CPNE5: variants seen among roughly 807,000 people sequenced by gnomAD.
CPNE5 encodes copine 5.
In CPNE5, 42 loss-of-function variants were observed where a neutral mutation model predicts 81.1. That is an observed-to-expected ratio of 0.52 (90% CI 0.40 to 0.67). CPNE5 has a LOEUF of 0.67. Among genes scored for constraint, CPNE5 ranks in the 30% least tolerant of loss-of-function variants. The pLI, the probability that CPNE5 is intolerant of heterozygous loss-of-function variation, is 0.00. For synonymous variants in CPNE5, 313 were observed against 321.5 expected (o/e 0.97, Z 0.28); for missense variants, 612 against 815.5 (o/e 0.75, Z 3.04).
At chr6:36,819,535 C>T (rs1037434074) in intron 3 of CPNE5, among the ~76,000 whole-genome samples, 3 of 152,158 alleles carry the variant, frequency 2.0e-5, no homozygotes, top group Non-Finnish European at 2.9e-5. Context: ...GAGACAGTTC[C>T]GGCCAGTCCA....
At chr6:36,784,775 C>G (rs959148469) in intron 8 of CPNE5, among the ~76,000 whole-genome samples, 1 of 152,000 alleles carries the variant, frequency 6.6e-6, no homozygotes, top group African/African-American at 2.4e-5. Context: ...AACCCCATCT[C>G]TACTAAAAAT....
intron 2 of CPNE5, among the ~76,000 whole-genome samples, chr6:36,822,509 G>C (rs1772148748): frequency 6.6e-6 from 1 of 152,232 alleles, no homozygotes; most frequent in East Asian, 1.9e-4. Context: ...AGGGTCTGAA[G>C]TGTGAGGCAG....
chr6:36,824,776 T>C (rs1421743654), intron 1 of CPNE5, among the ~76,000 whole-genome samples: 1 of 152,056 alleles, frequency 6.6e-6, no homozygotes, highest in East Asian at 1.9e-4. Context: ...GTGAAACCCA[T>C]CTCTACTAAA....
chr6:36,778,725 C>T (rs930765234), intron 9 of CPNE5, 129 bp downstream of exon 9: 2 of 688,730 alleles, frequency 2.9e-6, no homozygotes, highest in African/African-American at 1.8e-5. Context: ...CACCCAGAGC[C>T]CTTGCCCTCT....
chr6:36,758,199 G>A (rs1765673735), intron 12 of CPNE5, among the ~76,000 whole-genome samples: 1 of 152,132 alleles, frequency 6.6e-6, no homozygotes, highest in Non-Finnish European at 1.5e-5. Context: ...CCTGCCTCCC[G>A]GAAAGGTATG....
At chr6:36,834,089 CA>C (rs965089075) in intron 1 of CPNE5, among the ~76,000 whole-genome samples, 1 of 148,138 alleles carries the variant, frequency 6.8e-6, no homozygotes, top group Admixed American at 6.7e-5. Flanking sequence ...AAAAAAAAAT[CA>C]AAAAAAATTT....
At chr6:36,831,449 G>T (rs1245573037) in intron 1 of CPNE5, among the ~76,000 whole-genome samples, 3 of 151,840 alleles carry the variant, frequency 2.0e-5, no homozygotes, top group African/African-American at 7.3e-5. Context: ...CGCCTCCCAG[G>T]TTCAAGCAAT....
chr6:36,767,076 G>A (rs370142423), intron 10 of CPNE5, among the ~76,000 whole-genome samples: 7 of 152,092 alleles, frequency 4.6e-5, no homozygotes, highest in Non-Finnish European at 7.4e-5. Flanking sequence ...GGCTGGCCTC[G>A]AACTCCTGAC....
intron 3 of CPNE5, among the ~76,000 whole-genome samples, chr6:36,810,070 C>A (rs1554125732): frequency 6.6e-6 from 1 of 152,032 alleles, no homozygotes; most frequent in Non-Finnish European, 1.5e-5. Flanking sequence ...CGAGGAAGGG[C>A]CGGGACTCTC....
chr6:36,781,941 T>G (rs577262986), intron 8 of CPNE5, among the ~76,000 whole-genome samples: 1 of 151,896 alleles, frequency 6.6e-6, no homozygotes, highest in African/African-American at 2.4e-5. Context: ...AGCAAGGAAC[T>G]CAGAGCTCAG....
At position 36,839,286 on chromosome 6, in the gene CPNE5, C is replaced by A; in HGVS notation, c.92G>T (p.Cys31Phe). 6.5e-7 allele frequency: 1 copy of A among 1,539,654 alleles called. No homozygotes were observed. The highest frequency in any genetic ancestry group is 8.8e-7 in the Non-Finnish European group (1 of 1,140,128). The change falls in exon 1 of 21, where the codon TGC (cysteine) becomes TTC (phenylalanine). Residue 31 changes from cysteine to phenylalanine, a missense_variant. By Grantham distance (205) the Cys-to-Phe change is radical (BLOSUM62 -2). Coordinates refer to ENST00000244751, the MANE Select transcript of CPNE5 (RefSeq NM_020939.2). The surrounding 1 kb of genome is among the most constrained non-coding windows in gnomAD (Gnocchi z 7.3). ...ACCCGGCCAGCGGGAGGCTCACCTG[C>A]AGGACACGGTGATCTCCACCTTGGT... ...PATKVEITVS[C>F]RNLLDKDMFS...
chr6:36,808,445 C>T (rs1206229804), intron 3 of CPNE5, among the ~76,000 whole-genome samples: 4 of 152,114 alleles, frequency 2.6e-5, no homozygotes, highest in Non-Finnish European at 5.9e-5. Flanking sequence ...CATCACCCAC[C>T]AGCTGGGAGG....
chr6:36,773,091 G>A lies in CPNE5; in HGVS notation c.737+1870C>T, dbSNP rs907405463. 2.0e-5 allele frequency among the ~76,000 whole-genome samples: 3 copies of A among 151,322 alleles called. No individual in the cohort carries two copies. In the East Asian group the frequency reaches 5.8e-4, roughly 29 times the overall value. ...AAAGATGGGGGTCTCACTATGTTAC[G>A]CGGGCTGGTCTTGAACTCCTGGATT... is the stretch of plus-strand genomic sequence containing the variant. On this transcript the variant is annotated intron_variant, in intron 10 of 20. Transcript: ENST00000244751.
At chr6:36,743,550 T>G in intron 20 of CPNE5, 139 bp downstream of exon 20, 2 of 810,198 alleles carry the variant, frequency 2.5e-6, no homozygotes, top group South Asian at 3.1e-5. Context: ...CTCCCTTCGG[T>G]GGTGGCTGGG....
intron 1 of CPNE5, chr6:36,827,623 G>T (rs1772617559): frequency 1.0e-6 from 1 of 985,426 alleles, no homozygotes; most frequent in Non-Finnish European, 1.2e-6. Flanking sequence ...AGCACCAGAA[G>T]TTTCTTCGAG....
chr6:36,754,177 CGA>C (rs1218668589), intron 13 of CPNE5: 19 of 151,774 alleles, frequency 1.3e-4, no homozygotes, highest in African/African-American at 4.4e-4. Flanking sequence ...CCATTATAGC[CGA>C]GTTTCCGGGG....
rs139224408 is a variant in CPNE5 at position 36,743,309 on chromosome 6, C to A, written c.1563+380G>T. ...AGATGCTTACATTGATTCAGTTAAC[C>A]GAGCAATGCCTATTCTTGGAGAAGG... On this transcript the variant is annotated intron_variant, in intron 20 of 20. Coordinates refer to ENST00000244751, the MANE Select transcript of CPNE5 (RefSeq NM_020939.2). 5 of 831,916 alleles carry A rather than the reference C, an allele frequency of 6.0e-6. No individual in the cohort carries two copies. The East Asian group carries it at 4.9e-4, about 81-fold the overall frequency. The allele number at this position is 831,916 out of a possible 1,614,324, so 51.5% of individuals were successfully genotyped here. A position where few individuals can be genotyped will look rare whatever the true frequency, so the allele number is the denominator to read the frequency against.
intron 3 of CPNE5, among the ~76,000 whole-genome samples, chr6:36,813,369 A>G (rs1771270979): frequency 6.6e-6 from 1 of 152,154 alleles, no homozygotes; most frequent in African/African-American, 2.4e-5. Flanking sequence ...TGCCTCTACT[A>G]AAAATACAAA....
chr6:36,773,569 G>A (rs901771503), intron 10 of CPNE5, among the ~76,000 whole-genome samples: 1 of 152,222 alleles, frequency 6.6e-6, no homozygotes, highest in Non-Finnish European at 1.5e-5. Context: ...CTAAACATTT[G>A]TGGATGAGAT....
Sources: allele counts gnomAD v4.1 joint callset (sites outside exome capture counted in the v4.1 genomes callset), GRCh38; gene constraint gnomAD v4.1.1; non-coding constraint Gnocchi (gnomAD v3.1); transcripts MANE v1.5; gene names NCBI Gene and HGNC (gene_info 2026-07-23, HGNC 2026-07-21).